Variants in SLC16A2 observed in about 807,000 individuals in gnomAD.
The protein encoded by SLC16A2 is monocarboxylate transporter 8.
A neutral mutation model predicts 27.2 loss-of-function variants in SLC16A2; 3 were observed. The observed-to-expected ratio is 0.11, with a 90% CI of 0.05 to 0.28. The LOEUF (loss-of-function observed/expected upper bound fraction) is 0.28, where lower values mean the gene tolerates loss of function less well. Ranked by LOEUF, SLC16A2 falls within the 10% of genes least tolerant of loss-of-function variation. The probability of loss-of-function intolerance (pLI) is 1.00; values close to 1 mark genes in which losing one functional copy is unlikely to be tolerated. For synonymous variants in SLC16A2, 202 were observed against 187.8 expected (o/e 1.08, Z -0.62); for missense variants, 295 against 458.5 (o/e 0.64, Z 3.26).
chrX:74,477,447 A>AT (rs1285988058), intron 1 of SLC16A2, among the ~76,000 whole-genome samples: 8 of 111,244 alleles, frequency 7.2e-5, no homozygotes, highest in African/African-American at 1.3e-4. Flanking sequence ...GGATTCATTG[A>AT]TTTTTTTAAG....
chrX:74,445,250 A>C (rs1462933388), intron 1 of SLC16A2, among the ~76,000 whole-genome samples: 1 of 111,146 alleles, frequency 9.0e-6, no homozygotes, highest in Non-Finnish European at 1.9e-5. Context: ...TATGAGAGGC[A>C]AGGGATCTGG....
intron 1 of SLC16A2, among the ~76,000 whole-genome samples, chrX:74,502,411 T>G (rs777130554): frequency 8.9e-6 from 1 of 111,935 alleles, no homozygotes; most frequent in East Asian, 2.8e-4. Flanking sequence ...CTAGGACTTG[T>G]GTGGGCTCTC....
At chrX:74,483,729 G>A (rs1929666586) in intron 1 of SLC16A2, among the ~76,000 whole-genome samples, 1 of 111,329 alleles carries the variant, frequency 9.0e-6, no homozygotes, top group Non-Finnish European at 1.9e-5. Context: ...AGGGTGCTGG[G>A]CAGGAATGGT....
chrX:74,473,740 A>ATCCATC, intron 1 of SLC16A2: 1 of 879,606 alleles, frequency 1.1e-6, no homozygotes, highest in East Asian at 3.1e-5. Flanking sequence ...TCATGGCTGC[A>ATCCATC]TCCATCTCCC....
intron 1 of SLC16A2, among the ~76,000 whole-genome samples, chrX:74,489,044 A>G (rs1284190867): frequency 8.9e-6 from 1 of 111,961 alleles, no homozygotes; most frequent in Non-Finnish European, 1.9e-5. Flanking sequence ...CATTTCTTTC[A>G]TTATATTTAC....
intron 4 of SLC16A2, among the ~76,000 whole-genome samples, chrX:74,526,813 C>G (rs1218826629): frequency 8.9e-6 from 1 of 112,840 alleles, no homozygotes; most frequent in Non-Finnish European, 1.9e-5. Flanking sequence ...TTGAGATAAA[C>G]CAATTGAGAT....
intron 1 of SLC16A2, among the ~76,000 whole-genome samples, chrX:74,431,528 A>C: frequency 8.9e-6 from 1 of 111,765 alleles, no homozygotes; most frequent in Non-Finnish European, 1.9e-5. Flanking sequence ...TACCATACTC[A>C]CTAGCTGGGT....
chrX:74,448,013 C>T (rs1313074031), intron 1 of SLC16A2, among the ~76,000 whole-genome samples: 1 of 111,514 alleles, frequency 9.0e-6, no homozygotes, highest in African/African-American at 3.3e-5. Context: ...CACAAAAAAA[C>T]CTTTTGGACA....
chrX:74,522,211 G>A (rs754814491), intron 2 of SLC16A2, among the ~76,000 whole-genome samples: 25 of 111,992 alleles, frequency 2.2e-4, no homozygotes, highest in Non-Finnish European at 2.8e-4. Context: ...CCAGAAAAGC[G>A]TCATGGCTCT....
At chrX:74,504,477 C>CT (rs1003861742) in intron 1 of SLC16A2, among the ~76,000 whole-genome samples, 5 of 112,091 alleles carry the variant, frequency 4.5e-5, no homozygotes, top group Non-Finnish European at 9.4e-5. Flanking sequence ...ATTTGCCCTA[C>CT]TGAGGGCCTG....
Position 74,524,578 on chromosome X carries a change from G to T in SLC16A2, c.795G>T (p.Val265=). 8.3e-7 allele frequency: 1 copy of T among 1,211,272 alleles called. No homozygotes were observed. Among genetic ancestry groups the T allele is most frequent in the Non-Finnish European group, 1.1e-6 (1 of 895,372 alleles). The change falls in exon 3 of 6, where the codon GTG becomes GTT. Residue 265 remains valine (V), a synonymous_variant. Transcript: ENST00000587091. ...DKIKLAQTFQ[V]LSTFMFVLML... ...TCAAGCTGGCCCAAACCTTCCAGGT[G>T]CTGAGTACCTTCATGTTTGTTCTTA...
intron 1 of SLC16A2, among the ~76,000 whole-genome samples, chrX:74,444,121 T>G (rs1411258391): frequency 1.8e-5 from 2 of 111,277 alleles, no homozygotes; most frequent in Non-Finnish European, 3.8e-5. Context: ...GAAAGGAGTT[T>G]CCCTGGGAGA....
chrX:74,449,799 A>T (rs1231303679), intron 1 of SLC16A2, among the ~76,000 whole-genome samples: 1 of 111,607 alleles, frequency 9.0e-6, no homozygotes, highest in East Asian at 2.8e-4. Context: ...AAAGGCCTTG[A>T]TTCATCCTGG....
intron 1 of SLC16A2, among the ~76,000 whole-genome samples, chrX:74,459,674 C>G (rs185227471): frequency 1.8e-5 from 2 of 111,459 alleles, no homozygotes; most frequent in Non-Finnish European, 3.8e-5. Flanking sequence ...CTTTCCCTCT[C>G]CTATCCTAGT....
At chrX:74,440,937 C>T (rs1239134766) in intron 1 of SLC16A2, among the ~76,000 whole-genome samples, 1 of 75,999 alleles carries the variant, frequency 1.3e-5, no homozygotes, top group Non-Finnish European at 2.7e-5. Flanking sequence ...TTATTTTACA[C>T]GTGAGGAAAA....
chrX:74,453,440 T>C (rs1260494736), intron 1 of SLC16A2, among the ~76,000 whole-genome samples: 1 of 111,611 alleles, frequency 9.0e-6, no homozygotes, highest in Non-Finnish European at 1.9e-5. Context: ...ATCCCATCCA[T>C]GACCATCTCT....
chrX:74,475,713 C>T (rs1244572323), intron 1 of SLC16A2, among the ~76,000 whole-genome samples: 6 of 111,799 alleles, frequency 5.4e-5, no homozygotes, highest in Non-Finnish European at 1.1e-4. Context: ...AGGCAGTTTT[C>T]CCAGCACCAT....
intron 1 of SLC16A2, among the ~76,000 whole-genome samples, chrX:74,470,872 A>C (rs547361082): frequency 1.8e-5 from 2 of 110,955 alleles, no homozygotes; most frequent in Admixed American, 1.9e-4. Flanking sequence ...CAGGAGGCGG[A>C]GCTTGCAGTG....
intron 1 of SLC16A2, among the ~76,000 whole-genome samples, chrX:74,453,808 C>T (rs773368650): frequency 6.6e-4 from 74 of 111,441 alleles, no homozygotes; most frequent in Non-Finnish European, 9.0e-4. Context: ...GTGATCTTCT[C>T]GTGCTTCCCA....
Sources: allele counts gnomAD v4.1 joint callset (sites outside exome capture counted in the v4.1 genomes callset), GRCh38; gene constraint gnomAD v4.1.1; transcripts MANE v1.5; gene names NCBI Gene and HGNC (gene_info 2026-07-23, HGNC 2026-07-21).